The following DUSP13B variants were observed in gnomAD, a reference collection of about 807,000 sequenced individuals.
DUSP13B encodes the protein dual specificity protein phosphatase 13B.
chr10:75,107,972 G>A, the DUSP13B span: 1 of 1,599,606 alleles, frequency 6.3e-7, no homozygotes, highest in East Asian at 2.3e-5. Flanking sequence ...TGGGATATGG[G>A]CTTGGACCCC....
At chr10:75,106,138 C>T in the DUSP13B span, among the ~76,000 whole-genome samples, 5 of 139,558 alleles carry the variant, frequency 3.6e-5, no homozygotes, top group South Asian at 1.1e-3. Flanking sequence ...GACAAAGTCT[C>T]ACTATGTTGC....
At chr10:75,101,775 CTCCCCACACA>C in the DUSP13B span, 1 of 866,246 alleles carries the variant, frequency 1.2e-6, no homozygotes, top group Non-Finnish European at 1.7e-6. Flanking sequence ...AACCCCACCC[CTCCCCACACA>C]GGCACAAGTG....
the DUSP13B span, among the ~76,000 whole-genome samples, chr10:75,101,601 C>T: frequency 2.0e-5 from 3 of 152,300 alleles, no homozygotes; most frequent in East Asian, 1.9e-4. Flanking sequence ...TTATCATCCC[C>T]ATTTTACAGA....
At chr10:75,101,799 T>G in the DUSP13B span, 3 of 774,052 alleles carry the variant, frequency 3.9e-6, no homozygotes, top group Non-Finnish European at 6.1e-6. Flanking sequence ...ACAAGTGTCC[T>G]GGCCCTCATT....
the DUSP13B span, chr10:75,102,093 C>T: frequency 2.1e-5 from 11 of 514,372 alleles, no homozygotes; most frequent in Non-Finnish European, 3.7e-5. Context: ...ACCTTTCCCT[C>T]CAGGCCCAGG....
the DUSP13B span, among the ~76,000 whole-genome samples, chr10:75,100,891 A>G: frequency 5.9e-5 from 9 of 152,346 alleles, no homozygotes; most frequent in South Asian, 1.9e-3. Context: ...TGTGTGCCCA[A>G]GACATCGGGC....
the DUSP13B span, among the ~76,000 whole-genome samples, chr10:75,098,184 G>T: frequency 6.6e-6 from 1 of 152,200 alleles, no homozygotes; most frequent in African/African-American, 2.4e-5. Context: ...TTCCCTGTTT[G>T]TGGCACTAGT....
At chr10:75,103,456 C>T in the DUSP13B span, among the ~76,000 whole-genome samples, 1 of 152,208 alleles carries the variant, frequency 6.6e-6, no homozygotes, top group Non-Finnish European at 1.5e-5. Flanking sequence ...ACCCAAAAGG[C>T]AGGGACACCC....
At chr10:75,100,672 C>T in the DUSP13B span, among the ~76,000 whole-genome samples, 215 of 152,346 alleles carry the variant, frequency 1.4e-3, no homozygotes, top group Middle Eastern at 3.4e-3. Context: ...CTCCTCCTCG[C>T]CCCCTTCCTG....
chr10:75,101,964 A>G, the DUSP13B span: 1 of 1,367,112 alleles, frequency 7.3e-7, no homozygotes, highest in Non-Finnish European at 9.8e-7. Flanking sequence ...TGCTGTTTCT[A>G]TTTTTTGATT....
the DUSP13B span, among the ~76,000 whole-genome samples, chr10:75,106,241 C>T: frequency 6.6e-6 from 1 of 151,834 alleles, no homozygotes; most frequent in African/African-American, 2.4e-5. Context: ...CGCTCCTGGC[C>T]TCCAAACCTT....
the DUSP13B span, among the ~76,000 whole-genome samples, chr10:75,105,095 G>A: frequency 7.2e-5 from 11 of 152,298 alleles, no homozygotes; most frequent in African/African-American, 2.6e-4. Context: ...GTGGAGGCAG[G>A]CCCTGCTGGG....
At chr10:75,099,490 C>A in the DUSP13B span, 14 of 1,231,930 alleles carry the variant, frequency 1.1e-5, no homozygotes, top group Non-Finnish European at 1.3e-5. Flanking sequence ...TCTGCCTGAG[C>A]GGAACAGGGC....
the DUSP13B span, chr10:75,104,016 C>T: frequency 7.4e-7 from 1 of 1,360,236 alleles, no homozygotes; most frequent in Non-Finnish European, 9.8e-7. Context: ...TCCGCCTGGG[C>T]CAGAGCCTCC....
the DUSP13B span, among the ~76,000 whole-genome samples, chr10:75,100,305 G>T: frequency 6.6e-6 from 1 of 152,136 alleles, no homozygotes; most frequent in Non-Finnish European, 1.5e-5. Flanking sequence ...TTAGCGCTAT[G>T]CCTGGTCAGG....
At chr10:75,098,205 C>G in the DUSP13B span, among the ~76,000 whole-genome samples, 1 of 152,216 alleles carries the variant, frequency 6.6e-6, no homozygotes, top group Non-Finnish European at 1.5e-5. Flanking sequence ...CAGTGCAGAT[C>G]TCATCCCTAA....
the DUSP13B span, among the ~76,000 whole-genome samples, chr10:75,100,829 C>T: frequency 4.6e-5 from 7 of 152,386 alleles, no homozygotes; most frequent in East Asian, 1.4e-3. Flanking sequence ...CTCTGTCTCC[C>T]ATCCTCCCCC....
At chr10:75,098,383 G>C in the DUSP13B span, among the ~76,000 whole-genome samples, 1 of 152,178 alleles carries the variant, frequency 6.6e-6, no homozygotes, top group East Asian at 1.9e-4. Context: ...TTGGAGATCA[G>C]AGCCTATCTC....
the DUSP13B span, among the ~76,000 whole-genome samples, chr10:75,104,573 G>A: frequency 4.4e-3 from 677 of 152,276 alleles, 5 homozygotes; most frequent in African/African-American, 0.015. Context: ...GCTCCGCCAG[G>A]TTCCTGGGTC....
Sources: gnomAD v4.1 joint callset for allele counts (sites outside exome capture counted in the v4.1 genomes callset) on GRCh38, gnomAD v4.1.1 for gene constraint, MANE v1.5 for transcripts, NCBI Gene and HGNC (gene_info 2026-07-23, HGNC 2026-07-21) for gene names.